The following LSM11 variants were observed in gnomAD, a reference collection of about 807,000 sequenced individuals.
The protein encoded by LSM11 is LSM11, U7 small nuclear RNA associated, also known as U7 snRNA-associated Sm-like protein LSm11.
Under a neutral mutation model 28.1 loss-of-function variants are expected in LSM11, and 14 were observed. The ratio of observed to expected loss-of-function variants is 0.50; its 90% confidence interval spans 0.33 to 0.78. The LOEUF is 0.78. Among genes scored for constraint, LSM11 ranks in the 30% least tolerant of loss-of-function variants. The probability of loss-of-function intolerance (pLI) is 0.02; values close to 1 mark genes in which losing one functional copy is unlikely to be tolerated. For synonymous variants in LSM11, 207 were observed against 214.2 expected (o/e 0.97, Z 0.30); for missense variants, 495 against 510.6 (o/e 0.97, Z 0.30).
At chr5:157,744,462 T>C (rs575654744) in intron 1 of LSM11, among the ~76,000 whole-genome samples, 3 of 152,082 alleles carry the variant, frequency 2.0e-5, no homozygotes, top group South Asian at 2.1e-4. Flanking sequence ...GTAGTGGTCA[T>C]AAGAAGCCGT....
At position 157,755,586 on chromosome 5, in the gene LSM11, A is replaced by G. The variant is rs1267189215; in HGVS notation, c.*322A>G. ...GGGTCATGATATGAGTGGAATTTAC[A>G]TTTTAGATACTATAGGGGAAAGAAA... is the stretch of plus-strand genomic sequence containing the variant. On this transcript the variant is annotated 3_prime_UTR_variant, in exon 4 of 4. Coordinates refer to ENST00000286307, the MANE Select transcript of LSM11 (RefSeq NM_173491.4). The G allele has an allele frequency of 2.1e-6, 1 of 476,378 alleles. No individual in the cohort carries two copies. The highest frequency in any genetic ancestry group is 3.7e-6 in the Non-Finnish European group (1 of 272,996). 29.5% of individuals were successfully genotyped at this position (476,378 alleles called of 1,614,324 possible).
chr5:157,751,298 CATGTTGCTGGCCGAAGTTGG>C, intron 1 of LSM11, 72 bp from the exon 2 acceptor site: 1 of 1,394,618 alleles, frequency 7.2e-7, no homozygotes, highest in South Asian at 1.5e-5. Context: ...CCATGGGCCA[CATGTTGCTGGCCGAAGTTGG>C]GTGGTCGTGG....
intron 2 of LSM11, among the ~76,000 whole-genome samples, chr5:157,753,665 A>T (rs1761276644): frequency 6.6e-6 from 1 of 152,206 alleles, no homozygotes; most frequent in Non-Finnish European, 1.5e-5. Flanking sequence ...TCCCAGACCT[A>T]CCAAAACAGA....
intron 1 of LSM11, among the ~76,000 whole-genome samples, chr5:157,748,914 T>C (rs1761183600): frequency 6.6e-6 from 1 of 152,206 alleles, no homozygotes; most frequent in Admixed American, 6.5e-5. Flanking sequence ...TATTTGGTCA[T>C]AGAAACCTGA....
At position 157,744,060 on chromosome 5, in the gene LSM11, GC is replaced by G; in HGVS notation, c.314del (p.Pro105ArgfsTer63). 2 of 1,457,586 alleles carry G rather than the reference GC, an allele frequency of 1.4e-6. No individual in the cohort carries two copies. Among genetic ancestry groups the G allele is most frequent in the Non-Finnish European group, 1.8e-6 (2 of 1,107,022 alleles). The allele number at this position is 1,457,586 out of a possible 1,614,324, so 90.3% of individuals were successfully genotyped here. On this transcript the variant is annotated frameshift_variant, in exon 1 of 4. Transcript: ENST00000286307. LOFTEE classifies it high-confidence loss of function. ...GRTRRRPDAP[A>X]PDPERIQRLR... The stretch of plus-strand genomic sequence containing the variant: ...GACTCGTCGCCGCCCGGACGCGCCC[GC>G]CCCGGACCCCGAGCGCATCCAGCGC...
rs1482698346 is a variant in LSM11, at chr5:157,759,175, C to G, written c.*3911C>G. ...CATTAAAATCTAGATGCATAGAGATCCTTGCTATGAGTTGTGGATAGGAGT... is the reference window on the plus strand; with the variant it reads ...CATTAAAATCTAGATGCATAGAGATGCTTGCTATGAGTTGTGGATAGGAGT... On this transcript the variant is annotated 3_prime_UTR_variant, in exon 4 of 4. Transcript: ENST00000286307. The G allele has an allele frequency of 2.0e-5, 3 of 152,188 alleles. No individual in the cohort carries two copies. The highest frequency in any genetic ancestry group is 7.2e-5 in the African/African-American group (3 of 41,426). 9.4% of individuals were successfully genotyped at this position (152,188 alleles called of 1,614,324 possible). A position where few individuals can be genotyped will look rare whatever the true frequency, so the allele number is the denominator to read the frequency against.
chr5:157,750,328 T>A (rs894007153), intron 1 of LSM11, among the ~76,000 whole-genome samples: 1 of 152,212 alleles, frequency 6.6e-6, no homozygotes, highest in Non-Finnish European at 1.5e-5. Context: ...TGAGTTAACA[T>A]GAAATAATAA....
chr5:157,760,069 T>A lies in LSM11; in HGVS notation c.*4805T>A, dbSNP rs894748767. 3.3e-5 allele frequency: 5 copies of A among 152,220 alleles called. No individual in the cohort carries two copies. The highest frequency in any genetic ancestry group is 9.6e-5 in the African/African-American group (4 of 41,454). 9.4% of individuals were successfully genotyped at this position (152,220 alleles called of 1,614,324 possible). On this transcript the variant is annotated 3_prime_UTR_variant, in exon 4 of 4. Coordinates refer to ENST00000286307, the MANE Select transcript of LSM11 (RefSeq NM_173491.4). ...TTATTTAGAATAAAAAATAGTTTGA[T>A]AACCTACCAGAGTTAGTGCTTCTTT...
intron 1 of LSM11, among the ~76,000 whole-genome samples, chr5:157,747,926 G>A (rs1761170950): frequency 6.6e-6 from 1 of 152,106 alleles, no homozygotes; most frequent in Non-Finnish European, 1.5e-5. Flanking sequence ...GCTCATTGCA[G>A]CTGTTTCCAG....
rs1761387619 is a variant in LSM11, at chr5:157,760,126, C to T, written c.*4862C>T. On this transcript the variant is annotated 3_prime_UTR_variant, in exon 4 of 4. Transcript: ENST00000286307. The stretch of plus-strand genomic sequence containing the variant: ...ACTCCTTGGAAAGATGGGGACTGTC[C>T]CTTAGGAAAGCCATAAAAGTGATTC... 1 of 152,038 alleles carries T rather than the reference C, an allele frequency of 6.6e-6. No individual in the cohort carries two copies. Among genetic ancestry groups the T allele is most frequent in the Non-Finnish European group, 1.5e-5 (1 of 68,014 alleles). 9.4% of individuals were successfully genotyped at this position (152,038 alleles called of 1,614,324 possible). A position where few individuals can be genotyped will look rare whatever the true frequency, so the allele number is the denominator to read the frequency against.
At chr5:157,745,709 ACTT>A (rs1561618988) in intron 1 of LSM11, among the ~76,000 whole-genome samples, 3 of 152,210 alleles carry the variant, frequency 2.0e-5, no homozygotes. Context: ...AGCTTTGTCA[ACTT>A]CTTATGATTA....
chr5:157,754,209 T>C, intron 3 of LSM11, 122 bp downstream of exon 3: 1 of 545,704 alleles, frequency 1.8e-6, no homozygotes, highest in East Asian at 3.3e-5. Context: ...AAACCAGCTG[T>C]GCCTGTACCA....
chr5:157,750,763 T>C (rs1166634353), intron 1 of LSM11, among the ~76,000 whole-genome samples: 1 of 152,214 alleles, frequency 6.6e-6, no homozygotes, highest in Non-Finnish European at 1.5e-5. Flanking sequence ...AATGTATACA[T>C]TTAATGTTTG....
In LSM11 at chr5:157,743,746, C is replaced by G; in HGVS notation, c.-5C>G. The G allele has an allele frequency of 1.5e-6, 2 of 1,367,118 alleles. No individual in the cohort carries two copies. The highest frequency in any genetic ancestry group is 1.9e-6 in the Non-Finnish European group (2 of 1,060,862). The allele number at this position is 1,367,118 out of a possible 1,614,324, so 84.7% of individuals were successfully genotyped here. On this transcript the variant is annotated 5_prime_UTR_variant, in exon 1 of 4. Transcript: ENST00000286307. ...CATCGGCCTCGGCTTGCGGGCCTTT[C>G]AAACATGGAGGAGCGGGAGCGGGGG...
At position 157,743,762 on chromosome 5, in the gene LSM11, G is replaced by A; in HGVS notation, c.12G>A (p.Arg4=). 1.4e-6 allele frequency: 2 copies of A among 1,402,184 alleles called. No homozygotes were observed. The highest frequency in any genetic ancestry group is 9.3e-7 in the Non-Finnish European group (1 of 1,080,296). 86.9% of individuals were successfully genotyped at this position (1,402,184 alleles called of 1,614,324 possible). Residue 4 remains arginine, a synonymous_variant, in exon 1 of 4, where the codon CGG becomes CGA. Coordinates refer to ENST00000286307, the MANE Select transcript of LSM11 (RefSeq NM_173491.4). The stretch of plus-strand genomic sequence containing the variant: ...CGGGCCTTTCAAACATGGAGGAGCG[G>A]GAGCGGGGGGCGAGGTCGGCTGGCG... The part of the protein sequence containing the change: MEE[R]ERGARSAGAG...
intron 2 of LSM11, among the ~76,000 whole-genome samples, chr5:157,753,594 A>G (rs1471134662): frequency 1.3e-5 from 2 of 152,202 alleles, no homozygotes; most frequent in Non-Finnish European, 2.9e-5. Flanking sequence ...TGGGATCTAA[A>G]GCCATCCTGC....
Position 157,755,160 on chromosome 5 carries a change from A to G in LSM11, c.979A>G (p.Lys327Glu). 6.2e-7 allele frequency: 1 copy of G among 1,614,246 alleles called. No individual in the cohort carries two copies. Among genetic ancestry groups the G allele is most frequent in the Non-Finnish European group, 8.5e-7 (1 of 1,180,044 alleles). ...TTLSRGQSRK[K>E]KRKPKVDYQQ... ...CCTTTCCAGAGGCCAGTCCCGTAAGAAAAAGCGAAAGCCCAAAGTGGATTA... is the reference window on the plus strand; with the variant it reads ...CCTTTCCAGAGGCCAGTCCCGTAAGGAAAAGCGAAAGCCCAAAGTGGATTA... Residue 327 changes from lysine to glutamate, a missense_variant, in exon 4 of 4, where the codon AAA (lysine) becomes GAA (glutamate). Transcript: ENST00000286307.
intron 1 of LSM11, 150 bp downstream of exon 1, chr5:157,744,348 A>G (rs1761113820): frequency 3.9e-6 from 2 of 518,940 alleles, no homozygotes; most frequent in Non-Finnish European, 5.9e-6. Flanking sequence ...ATCAGTGACT[A>G]TGGGGTGGAT....
intron 2 of LSM11, 145 bp from the exon 3 acceptor site, chr5:157,753,859 C>G: frequency 2.2e-6 from 1 of 448,996 alleles, no homozygotes; most frequent in African/African-American, 2.0e-5. Context: ...TCACCATTTT[C>G]TTCTGCCTAG....
Sources: gnomAD v4.1 joint callset for allele counts (sites outside exome capture counted in the v4.1 genomes callset) on GRCh38, gnomAD v4.1.1 for gene constraint, MANE v1.5 for transcripts, NCBI Gene and HGNC (gene_info 2026-07-23, HGNC 2026-07-21) for gene names.